Variants in NEBL observed in about 807,000 individuals in gnomAD.
The protein encoded by NEBL is nebulette.
NEBL carries 122 observed loss-of-function variants against 140.2 expected under a neutral mutation model. The observed-to-expected ratio is 0.87, with a 90% CI of 0.75 to 1.01. The LOEUF (loss-of-function observed/expected upper bound fraction) is 1.01, where lower values mean the gene tolerates loss of function less well. Ranked by LOEUF, NEBL falls within the 50% of genes least tolerant of loss-of-function variation. The pLI is 0.00. For synonymous variants in NEBL, 436 were observed against 398.9 expected (o/e 1.09, Z -1.11); for missense variants, 1,365 against 1,231.3 (o/e 1.11, Z -1.62).
intron 3 of NEBL, among the ~76,000 whole-genome samples, chr10:21,011,713 G>A (rs767979299): frequency 1.6e-4 from 24 of 152,158 alleles, no homozygotes; most frequent in Non-Finnish European, 2.8e-4. Context: ...ACCCTGTGGT[G>A]TGTTCTTCCT....
intron 4 of NEBL, among the ~76,000 whole-genome samples, chr10:20,923,666 CAAAAA>C (rs71390799): frequency 0.019 from 524 of 28,302 alleles, 2 homozygotes; most frequent in African/African-American, 0.059. Context: ...GACTCCGTCT[CAAAAA>C]AAAAAAAAAA....
At chr10:21,182,366 C>T (rs1841401925) in intron 3 of NEBL, among the ~76,000 whole-genome samples, 1 of 152,074 alleles carries the variant, frequency 6.6e-6, no homozygotes, top group Admixed American at 6.5e-5. Context: ...GTCCCAGCTA[C>T]TCAGGAGGCT....
At chr10:21,095,520 A>G (rs1456605255) in intron 2 of NEBL, among the ~76,000 whole-genome samples, 1 of 152,194 alleles carries the variant, frequency 6.6e-6, no homozygotes, top group African/African-American at 2.4e-5. Flanking sequence ...AAATCACTAA[A>G]CTGCTATTTA....
chr10:21,110,136 C>A (rs1002646365), intron 2 of NEBL, among the ~76,000 whole-genome samples: 2 of 152,096 alleles, frequency 1.3e-5, no homozygotes, highest in African/African-American at 2.4e-5. Flanking sequence ...CTCCTGTGGA[C>A]AATGTTCATT....
chr10:21,012,846 G>T (rs1201434544), intron 3 of NEBL, among the ~76,000 whole-genome samples: 1 of 152,158 alleles, frequency 6.6e-6, no homozygotes, highest in Non-Finnish European at 1.5e-5. Context: ...GGGAATGATG[G>T]AAAGGGAAGT....
At chr10:20,994,035 G>C (rs557504342) in intron 3 of NEBL, among the ~76,000 whole-genome samples, 1 of 152,272 alleles carries the variant, frequency 6.6e-6, no homozygotes, top group East Asian at 1.9e-4. Context: ...TCTCACAACA[G>C]AATCATCTCA....
At chr10:20,907,799 A>G (rs955081116) in intron 4 of NEBL, among the ~76,000 whole-genome samples, 1 of 152,226 alleles carries the variant, frequency 6.6e-6, no homozygotes, top group Non-Finnish European at 1.5e-5. Flanking sequence ...TGCTCCCAGC[A>G]AATTCATCTC....
chr10:21,178,857 C>T (rs947136985), upstream of NEBL, among the ~76,000 whole-genome samples: 4 of 152,186 alleles, frequency 2.6e-5, no homozygotes, highest in Non-Finnish European at 5.9e-5. Flanking sequence ...GGACAAGCAA[C>T]CCTTGTTTTG....
chr10:21,011,209 CAG>C (rs764738191), intron 3 of NEBL, among the ~76,000 whole-genome samples: 71 of 152,284 alleles, frequency 4.7e-4, no homozygotes, highest in Middle Eastern at 6.8e-3. Flanking sequence ...GTGGCAGGGA[CAG>C]GGGGAGAGCC....
intron 3 of NEBL, among the ~76,000 whole-genome samples, chr10:20,993,727 C>G (rs1364802141): frequency 1.3e-5 from 2 of 152,166 alleles, no homozygotes; most frequent in Non-Finnish European, 2.9e-5. Context: ...ACAGTACCTT[C>G]TCTAATAGAA....
intron 2 of NEBL, among the ~76,000 whole-genome samples, chr10:21,167,442 T>G (rs1273300178): frequency 6.6e-6 from 1 of 152,204 alleles, no homozygotes; most frequent in Non-Finnish European, 1.5e-5. Context: ...GCCGAAATAA[T>G]GTTCTGGGGA....
intron 3 of NEBL, among the ~76,000 whole-genome samples, chr10:21,242,577 A>T (rs1842454736): frequency 6.6e-6 from 1 of 152,156 alleles, no homozygotes; most frequent in African/African-American, 2.4e-5. Context: ...CCTGTAAAAC[A>T]AACCTGCACA....
At chr10:20,855,940 A>C (rs938824202) in intron 9 of NEBL, among the ~76,000 whole-genome samples, 1 of 152,204 alleles carries the variant, frequency 6.6e-6, no homozygotes, top group Non-Finnish European at 1.5e-5. Flanking sequence ...CACAACTCCA[A>C]TTTTTTACAT....
At chr10:20,942,498 C>G (rs542879779) in intron 4 of NEBL, among the ~76,000 whole-genome samples, 2 of 152,238 alleles carry the variant, frequency 1.3e-5, no homozygotes, top group Non-Finnish European at 2.9e-5. Context: ...AGAAGAAAAC[C>G]TAGGGAATAC....
intron 5 of NEBL, among the ~76,000 whole-genome samples, chr10:20,870,524 A>T (rs772951374): frequency 3.3e-5 from 5 of 152,100 alleles, no homozygotes; most frequent in Non-Finnish European, 5.9e-5. Context: ...CAAAGTCTCA[A>T]GCCCCAGTGG....
rs142893610 is a variant in NEBL, at chr10:21,110,547, T to G, written c.164+61836A>C. ...TTCCCTATCTTTTTTTCTTAATCATTCTGCCTATTCAGCGATTTTCATACT... is the reference window on the plus strand; with the variant it reads ...TTCCCTATCTTTTTTTCTTAATCATGCTGCCTATTCAGCGATTTTCATACT... On this transcript the variant is annotated intron_variant, in intron 2 of 6. Coordinates refer to the NEBL transcript ENST00000417816. The G allele has an allele frequency of 1.2e-3, 258 of 209,928 alleles. 1 individual carries two copies. Among genetic ancestry groups the G allele is most frequent in the African/African-American group, 5.7e-3 (244 of 43,012 alleles). 13.0% of individuals were successfully genotyped at this position (209,928 alleles called of 1,614,324 possible).
chr10:21,112,513 C>A (rs933744464), intron 2 of NEBL, among the ~76,000 whole-genome samples: 2 of 150,562 alleles, frequency 1.3e-5, no homozygotes, highest in African/African-American at 4.9e-5. Flanking sequence ...ACCACATGTT[C>A]TCACTCATAG....
At chr10:21,155,994 A>G (rs1298281788) in intron 2 of NEBL, among the ~76,000 whole-genome samples, 3 of 152,204 alleles carry the variant, frequency 2.0e-5, no homozygotes, top group Admixed American at 2.0e-4. Flanking sequence ...ACAGCCCTAC[A>G]GTCTCCAGCA....
At chr10:21,180,388 T>G (rs957490976) in intron 3 of NEBL, among the ~76,000 whole-genome samples, 3 of 152,222 alleles carry the variant, frequency 2.0e-5, no homozygotes, top group African/African-American at 7.2e-5. Context: ...TCCTTCTCGT[T>G]GTTGTCCTCC....
Sources: gnomAD v4.1 joint callset for allele counts (sites outside exome capture counted in the v4.1 genomes callset) on GRCh38, gnomAD v4.1.1 for gene constraint, MANE v1.5 for transcripts, NCBI Gene and HGNC (gene_info 2026-07-23, HGNC 2026-07-21) for gene names.